Variants in RBFOX1 observed in about 807,000 individuals in gnomAD.
RBFOX1 encodes RNA binding protein fox-1 homolog 1.
A neutral mutation model predicts 57.7 loss-of-function variants in RBFOX1; 8 were observed. The ratio of observed to expected loss-of-function variants is 0.14; its 90% CI spans 0.08 to 0.25. RBFOX1 has a LOEUF of 0.25. Among genes scored for constraint, RBFOX1 ranks in the 10% least tolerant of loss-of-function variants. RBFOX1 has a pLI of 1.00. For synonymous variants in RBFOX1, 326 were observed against 222.4 expected (o/e 1.47, Z -4.15); for missense variants, 611 against 548.5 (o/e 1.11, Z -1.14).
chr16:7,567,359 A>G lies in RBFOX1; in HGVS notation c.271-12418A>G, dbSNP rs1422868526. 7.1e-5 allele frequency among the ~76,000 whole-genome samples: 7 copies of G among 99,286 alleles called. 1 individual carries two copies. Among genetic ancestry groups the G allele is most frequent in the Admixed American group, 3.1e-4 (3 of 9,758 alleles). The allele number at this position is 99,286 out of a possible 152,430, so 65.1% of individuals were successfully genotyped here. On this transcript the variant is annotated intron_variant, in intron 5 of 15. Transcript: ENST00000550418. Reference sequence around the variant, plus strand: ...TGGCCCTATATATATATCCCTATATATGGCCCTATATATATATCCCTATGT... The same window carrying G: ...TGGCCCTATATATATATCCCTATATGTGGCCCTATATATATATCCCTATGT...
At chr16:7,298,487 T>A (rs2095953128) in intron 4 of RBFOX1, among the ~76,000 whole-genome samples, 1 of 151,972 alleles carries the variant, frequency 6.6e-6, no homozygotes, top group Non-Finnish European at 1.5e-5. Context: ...AGAGAGGGTT[T>A]CACCATCTTG....
intron 1 of RBFOX1, among the ~76,000 whole-genome samples, chr16:6,272,922 A>G (rs561016120): frequency 1.3e-5 from 2 of 152,320 alleles, no homozygotes; most frequent in South Asian, 2.1e-4. Context: ...CTCAAAATGG[A>G]TCATTAACTT....
intron 3 of RBFOX1, among the ~76,000 whole-genome samples, chr16:6,922,480 T>G (rs374337025): frequency 1.3e-5 from 2 of 152,230 alleles, no homozygotes; most frequent in South Asian, 4.1e-4. Flanking sequence ...GTTGCTAATC[T>G]TTTAGCTCAT....
chr16:5,867,205 C>T lies in RBFOX1; in HGVS notation c.319-98C>T, dbSNP rs9922403. On this transcript the variant is annotated intron_variant, in intron 3 of 19. Transcript: ENST00000641259. ...TGTTGCAACCTTTGTCCCCTCGGGTCATAACAAATTATTGATGCCAGTTCC... is the reference window on the plus strand; with the variant it reads ...TGTTGCAACCTTTGTCCCCTCGGGTTATAACAAATTATTGATGCCAGTTCC... 6.3e-3 allele frequency: 4,865 copies of T among 771,130 alleles called. 201 individuals carry two copies. The African/African-American group carries it at 0.08, about 13-fold the overall frequency. 47.8% of individuals were successfully genotyped at this position (771,130 alleles called of 1,614,324 possible). A position where few individuals can be genotyped will look rare whatever the true frequency, so the allele number is the denominator to read the frequency against.
In RBFOX1 at chr16:6,579,803, C is replaced by G. The variant is rs114771671; in HGVS notation, c.-63-74800C>G. On this transcript the variant is annotated intron_variant, in intron 2 of 15. Coordinates refer to ENST00000550418, the MANE Select transcript of RBFOX1 (RefSeq NM_018723.4). ...GTCTCACTATGTTGCCCAGGGTGGT[C>G]TCAAACTCCTGGTCTCAAGCTGTCC... 2.8e-3 allele frequency among the ~76,000 whole-genome samples: 430 copies of G among 152,166 alleles called. 3 individuals carry two copies. The highest frequency in any genetic ancestry group is 1.0e-2 in the African/African-American group (414 of 41,518).
At chr16:6,427,742 T>G (rs1183772969) in intron 2 of RBFOX1, among the ~76,000 whole-genome samples, 1 of 152,148 alleles carries the variant, frequency 6.6e-6, no homozygotes, top group East Asian at 1.9e-4. Flanking sequence ...ATTTAAACAG[T>G]TGTATTATCA....
rs377283760 is a variant in RBFOX1 at position 7,057,915 on chromosome 16, G to A, written c.27+5817G>A. Among the ~76,000 whole-genome samples, 10 of 148,956 alleles carry A rather than the reference G, an allele frequency of 6.7e-5. No homozygotes were observed. The East Asian group carries it at 1.2e-3, about 19-fold the overall frequency. On this transcript the variant is annotated intron_variant, in intron 4 of 15. Transcript: ENST00000550418. ...CCCAGCTACTCCGGAGGCTGAGGCAGGAGAATTGCTTGACCCCGGGAGGTG... is the reference window on the plus strand; with the variant it reads ...CCCAGCTACTCCGGAGGCTGAGGCAAGAGAATTGCTTGACCCCGGGAGGTG...
intron 4 of RBFOX1, among the ~76,000 whole-genome samples, chr16:7,177,578 G>GGC (rs1011727897): frequency 1.1e-4 from 17 of 152,204 alleles, no homozygotes; most frequent in African/African-American, 4.1e-4. Flanking sequence ...TGTTTTCACA[G>GGC]GCACTACCTT....
At chr16:6,808,859 C>G (rs753654564) in intron 3 of RBFOX1, among the ~76,000 whole-genome samples, 1 of 152,136 alleles carries the variant, frequency 6.6e-6, no homozygotes, top group African/African-American at 2.4e-5. Flanking sequence ...GGGAATACTT[C>G]CTGTAACACC....
chr16:5,994,311 G>A (rs887376974), intron 4 of RBFOX1, among the ~76,000 whole-genome samples: 5 of 152,152 alleles, frequency 3.3e-5, no homozygotes, highest in Admixed American at 6.5e-5. Context: ...ATAGGCATGT[G>A]CCAACATGCC....
chr16:5,680,889 G>T (rs371971525), intron 3 of RBFOX1, among the ~76,000 whole-genome samples: 6 of 141,092 alleles, frequency 4.3e-5, no homozygotes, highest in African/African-American at 1.6e-4. Flanking sequence ...TATAGAGCTT[G>T]TATTTGTGTG....
chr16:6,420,460 C>G (rs1477032740), intron 2 of RBFOX1, among the ~76,000 whole-genome samples: 2 of 151,674 alleles, frequency 1.3e-5, no homozygotes, highest in Admixed American at 6.6e-5. Flanking sequence ...GTTTCTGAAT[C>G]AAGGATGAAC....
At chr16:6,867,959 T>C (rs1032312386) in intron 3 of RBFOX1, among the ~76,000 whole-genome samples, 2 of 152,148 alleles carry the variant, frequency 1.3e-5, no homozygotes, top group African/African-American at 4.8e-5. Context: ...TCAGACAAAT[T>C]GGCAGTTGAA....
rs116951690 is a variant in RBFOX1, at chr16:6,651,493, G to A, written c.-63-3110G>A. 8.5e-3 allele frequency among the ~76,000 whole-genome samples: 1,292 copies of A among 152,142 alleles called. 10 individuals are homozygous for A. Among genetic ancestry groups the A allele is most frequent in the Middle Eastern group, 0.014 (4 of 294 alleles). ...CTTAAATTTGTAACCCCTGACTGCCGGTTCTGTTAAAATAGAAGTCAGATC... is the reference window on the plus strand; with the variant it reads ...CTTAAATTTGTAACCCCTGACTGCCAGTTCTGTTAAAATAGAAGTCAGATC... On this transcript the variant is annotated intron_variant, in intron 2 of 15. Transcript: ENST00000550418.
intron 3 of RBFOX1, among the ~76,000 whole-genome samples, chr16:6,990,839 A>C (rs757824003): frequency 3.3e-5 from 5 of 152,166 alleles, no homozygotes; most frequent in Non-Finnish European, 5.9e-5. Context: ...CTGATAACAG[A>C]AAACCATGCT....
chr16:7,653,096 T>C (rs1568296089), intron 11 of RBFOX1, among the ~76,000 whole-genome samples: 1 of 152,234 alleles, frequency 6.6e-6, no homozygotes, highest in Non-Finnish European at 1.5e-5. Flanking sequence ...CATACACATG[T>C]ACACATGCAT....
At chr16:5,569,642 A>G (rs2046211100) in intron 2 of RBFOX1, among the ~76,000 whole-genome samples, 1 of 151,846 alleles carries the variant, frequency 6.6e-6, no homozygotes, top group Non-Finnish European at 1.5e-5. Context: ...AGTCAATTAG[A>G]TGGTGGAACC....
At chr16:7,253,107 A>T (rs1458776322) in intron 4 of RBFOX1, among the ~76,000 whole-genome samples, 1 of 152,156 alleles carries the variant, frequency 6.6e-6, no homozygotes, top group African/African-American at 2.4e-5. Flanking sequence ...GACACAGCAA[A>T]CATATCTAGG....
intron 4 of RBFOX1, among the ~76,000 whole-genome samples, chr16:7,474,452 C>T (rs77844744): frequency 0.032 from 4,795 of 152,152 alleles, 260 homozygotes; most frequent in African/African-American, 0.11. Flanking sequence ...TTAAGGATAA[C>T]ATCTCCACTT....
Sources: gnomAD v4.1 joint callset for allele counts (sites outside exome capture counted in the v4.1 genomes callset) on GRCh38, gnomAD v4.1.1 for gene constraint, MANE v1.5 for transcripts, NCBI Gene and HGNC (gene_info 2026-07-23, HGNC 2026-07-21) for gene names.